SEMA5A: variants seen among roughly 807,000 people sequenced by gnomAD.
SEMA5A encodes the protein semaphorin-5A.
SEMA5A carries 55 observed loss-of-function variants against 135.5 expected under a neutral mutation model. That is an observed-to-expected ratio of 0.41 (90% CI 0.33 to 0.51). SEMA5A has a LOEUF of 0.51. SEMA5A is among the 20% of genes least tolerant of loss of function. The pLI is 0.37. For synonymous variants in SEMA5A, 580 were observed against 546.5 expected, an observed-to-expected ratio of 1.06 and a Z score of -0.85; for missense variants, 1,290 against 1,419.9, an observed-to-expected ratio of 0.91 and a Z score of 1.47.
chr5:9,370,802 G>A (rs1469832161), intron 3 of SEMA5A, among the ~76,000 whole-genome samples: 3 of 152,116 alleles, frequency 2.0e-5, no homozygotes, highest in Admixed American at 2.0e-4. Flanking sequence ...GATATAAAGA[G>A]AAGAAAGGAG....
At chr5:9,350,867 T>C (rs1754083169) in intron 3 of SEMA5A, among the ~76,000 whole-genome samples, 1 of 152,204 alleles carries the variant, frequency 6.6e-6, no homozygotes, top group Admixed American at 6.5e-5. Context: ...CCCATCACTG[T>C]AATCAACCCT....
intron 5 of SEMA5A, among the ~76,000 whole-genome samples, chr5:9,276,244 AC>A (rs1473719107): frequency 6.6e-6 from 1 of 152,176 alleles, no homozygotes; most frequent in African/African-American, 2.4e-5. Flanking sequence ...TAGGAATACA[AC>A]TTACAATGGA....
chr5:9,325,206 C>T (rs1276951615), intron 4 of SEMA5A, among the ~76,000 whole-genome samples: 1 of 151,176 alleles, frequency 6.6e-6, no homozygotes, highest in East Asian at 1.9e-4. Flanking sequence ...CAAATAAAAA[C>T]ATGAGTTTTT....
chr5:9,360,937 T>C (rs1279539539), intron 3 of SEMA5A, among the ~76,000 whole-genome samples: 1 of 152,080 alleles, frequency 6.6e-6, no homozygotes, highest in Non-Finnish European at 1.5e-5. Context: ...AGTCATTCTC[T>C]CCACCAAGAT....
At chr5:9,232,186 A>AT (rs921914613) in intron 6 of SEMA5A, among the ~76,000 whole-genome samples, 6 of 151,794 alleles carry the variant, frequency 4.0e-5, no homozygotes, top group African/African-American at 9.7e-5. Flanking sequence ...GCATTTCATG[A>AT]TTTTTTTTTA....
At chr5:9,428,770 TAAAC>T (rs1757756556) in intron 2 of SEMA5A, among the ~76,000 whole-genome samples, 1 of 152,188 alleles carries the variant, frequency 6.6e-6, no homozygotes, top group Non-Finnish European at 1.5e-5. Context: ...ATAAACTTCT[TAAAC>T]TAAATATAGC....
intron 1 of SEMA5A, among the ~76,000 whole-genome samples, chr5:9,477,661 G>T (rs756621729): frequency 8.5e-5 from 13 of 152,170 alleles, no homozygotes; most frequent in Non-Finnish European, 1.9e-4. Context: ...TAGGGTATCT[G>T]TCAGAAGAAA....
intron 16 of SEMA5A, among the ~76,000 whole-genome samples, chr5:9,079,707 A>G (rs1049798708): frequency 2.7e-4 from 41 of 152,172 alleles, no homozygotes; most frequent in Admixed American, 2.7e-3. Context: ...CAAGAAAAAA[A>G]CAAACAACCC....
At chr5:9,103,073 T>G (rs1403208818) in intron 16 of SEMA5A, among the ~76,000 whole-genome samples, 2 of 152,194 alleles carry the variant, frequency 1.3e-5, no homozygotes, top group African/African-American at 4.8e-5. Flanking sequence ...TCACTGTTCT[T>G]GTTCGTATAC....
Position 9,459,119 on chromosome 5 carries a change from A to T in SEMA5A, c.-174-21267T>A, listed in dbSNP as rs367804080. Among the ~76,000 whole-genome samples the T allele has an allele frequency of 5.0e-3, 763 of 152,256 alleles. 5 individuals carry two copies. The highest frequency in any genetic ancestry group is 0.018 in the African/African-American group (728 of 41,548). ...AGCTAATATCAAATCTCAACTTTTT[A>T]AAAAAAGTCCCATAATTACACTATT... On this transcript the variant is annotated intron_variant, in intron 1 of 22. Transcript: ENST00000382496.
chr5:9,270,046 A>G (rs1272981658), intron 5 of SEMA5A, among the ~76,000 whole-genome samples: 2 of 152,068 alleles, frequency 1.3e-5, no homozygotes, highest in Admixed American at 6.5e-5. Context: ...TCAATTATTA[A>G]TACATGCAAG....
chr5:9,338,177 G>A (rs750416176), intron 3 of SEMA5A, among the ~76,000 whole-genome samples: 1 of 152,164 alleles, frequency 6.6e-6, no homozygotes, highest in Non-Finnish European at 1.5e-5. Context: ...TGTGCAACTT[G>A]ACTCAAAAGA....
intron 3 of SEMA5A, among the ~76,000 whole-genome samples, chr5:9,372,310 A>G (rs1304942864): frequency 2.0e-5 from 3 of 152,244 alleles, no homozygotes; most frequent in Non-Finnish European, 4.4e-5. Flanking sequence ...CCCAGAGAAG[A>G]AACAGAGCAT....
chr5:9,393,945 A>C (rs974550264), intron 2 of SEMA5A, among the ~76,000 whole-genome samples: 1 of 152,238 alleles, frequency 6.6e-6, no homozygotes, highest in African/African-American at 2.4e-5. Context: ...ATGGATGGAC[A>C]ACAGCTATAT....
chr5:9,402,764 C>T (rs1008859966), intron 2 of SEMA5A, among the ~76,000 whole-genome samples: 5 of 152,176 alleles, frequency 3.3e-5, no homozygotes, highest in African/African-American at 4.8e-5. Context: ...TATTAAGGGT[C>T]CACAAGATGT....
At chr5:9,370,690 T>C (rs1332581977) in intron 3 of SEMA5A, among the ~76,000 whole-genome samples, 1 of 152,240 alleles carries the variant, frequency 6.6e-6, no homozygotes, top group Non-Finnish European at 1.5e-5. Flanking sequence ...GCAGTCTTTT[T>C]CTGTTGTTTT....
rs557623837 is a variant in SEMA5A, at chr5:9,462,379, T to A, written c.-174-24527A>T. ...AATGCTTAGACACTGTTGGTGGGAG[T>A]GTAAATTAGTTCAGCCATTGTGGAA... On this transcript the variant is annotated intron_variant, in intron 1 of 22. Transcript: ENST00000382496. Among the ~76,000 whole-genome samples the A allele has an allele frequency of 5.9e-5, 9 of 152,266 alleles. No homozygotes were observed. In the East Asian group the frequency reaches 1.7e-3, roughly 29 times the overall value.
chr5:9,214,478 G>A (rs1746508510), intron 8 of SEMA5A, among the ~76,000 whole-genome samples: 1 of 152,198 alleles, frequency 6.6e-6, no homozygotes, highest in Non-Finnish European at 1.5e-5. Context: ...TGGAACTGCA[G>A]TATAAAATCC....
chr5:9,151,893 T>A (rs1240963950), intron 12 of SEMA5A, among the ~76,000 whole-genome samples: 1 of 152,162 alleles, frequency 6.6e-6, no homozygotes, highest in Non-Finnish European at 1.5e-5. Flanking sequence ...GACACACCAG[T>A]GTCATCATTC....
Sources: gnomAD v4.1 joint callset for allele counts (sites outside exome capture counted in the v4.1 genomes callset) on GRCh38, gnomAD v4.1.1 for gene constraint, MANE v1.5 for transcripts, NCBI Gene and HGNC (gene_info 2026-07-23, HGNC 2026-07-21) for gene names.